Variants in RBFOX1 observed in about 807,000 individuals in gnomAD.
The protein encoded by RBFOX1 is RNA binding protein fox-1 homolog 1.
A neutral mutation model predicts 57.7 loss-of-function variants in RBFOX1; 8 were observed. That is an observed-to-expected ratio of 0.14 (90% CI 0.08 to 0.25). The LOEUF (loss-of-function observed/expected upper bound fraction) is 0.25, where lower values mean the gene tolerates loss of function less well. Among genes scored for constraint, RBFOX1 ranks in the 10% least tolerant of loss-of-function variants. RBFOX1 has a pLI of 1.00. For synonymous variants in RBFOX1, 326 were observed against 222.4 expected (o/e 1.47, Z -4.15); for missense variants, 611 against 548.5 (o/e 1.11, Z -1.14).
At chr16:5,914,210 G>C (rs2058661169) in intron 4 of RBFOX1, among the ~76,000 whole-genome samples, 1 of 152,222 alleles carries the variant, frequency 6.6e-6, no homozygotes. Context: ...ACAGTGCCTA[G>C]TAGATGTCTT....
chr16:5,740,763 C>T (rs1444028524), intron 3 of RBFOX1, among the ~76,000 whole-genome samples: 2 of 152,180 alleles, frequency 1.3e-5, no homozygotes, highest in African/African-American at 4.8e-5. Context: ...CACATGCTTT[C>T]AAGGTGAAGT....
chr16:7,664,936 T>C lies in RBFOX1; in HGVS notation c.898T>C (p.Tyr300His). The change falls in exon 13 of 16, where the codon TAC (tyrosine) becomes CAC (histidine). Residue 300 changes from tyrosine to histidine, a missense_variant. By Grantham distance (83) the Tyr-to-His change is moderately conservative (BLOSUM62 2). This residue lies in a region of RBFOX1 where 267 missense variants were observed against 229.1 expected (regional missense o/e 1.17). Transcript: ENST00000550418. ...GTGTGTGCACCCTTGCAGTGTTGTT[T>C]ACCAGGATGGATTTTATGGTGCAGA... ...PPIPAYGGVV[Y>H]QDGFYGADIY... The C allele has an allele frequency of 3.1e-6, 5 of 1,613,972 alleles. No individual in the cohort carries two copies. Among genetic ancestry groups the C allele is most frequent in the Non-Finnish European group, 4.2e-6 (5 of 1,179,848 alleles).
intron 4 of RBFOX1, among the ~76,000 whole-genome samples, chr16:7,132,433 GACACACACACACACACACAC>G (rs36226659): frequency 0.25 from 36,729 of 144,856 alleles, 5,282 homozygotes; most frequent in East Asian, 0.48. Flanking sequence ...GTGATACACA[GACACACACACACACACACAC>G]ACACACACAC....
chr16:7,419,520 C>T (rs1164482792), intron 4 of RBFOX1, among the ~76,000 whole-genome samples: 1 of 152,218 alleles, frequency 6.6e-6, no homozygotes, highest in African/African-American at 2.4e-5. Context: ...TTTTCCTGCG[C>T]ATTTGAATAA....
chr16:6,523,877 G>T lies in RBFOX1; in HGVS notation c.-63-130726G>T, dbSNP rs148530705. 1.8e-3 allele frequency among the ~76,000 whole-genome samples: 279 copies of T among 152,168 alleles called. 1 individual carries two copies. Among genetic ancestry groups the T allele is most frequent in the African/African-American group, 6.2e-3 (259 of 41,508 alleles). On this transcript the variant is annotated intron_variant, in intron 2 of 15. Coordinates refer to ENST00000550418, the MANE Select transcript of RBFOX1 (RefSeq NM_018723.4). The stretch of plus-strand genomic sequence containing the variant: ...ACAGTTTTTTATATTTAATTTTTAT[G>T]AGTACATAATAGGTATAGATACTTA...
intron 4 of RBFOX1, among the ~76,000 whole-genome samples, chr16:7,487,575 A>G (rs972468272): frequency 1.3e-5 from 2 of 152,180 alleles, no homozygotes; most frequent in African/African-American, 2.4e-5. Context: ...CTCATCTGCC[A>G]TCTCTCTTCC....
At chr16:5,699,831 A>ATTAT (rs1555504129) in intron 3 of RBFOX1, among the ~76,000 whole-genome samples, 3 of 152,010 alleles carry the variant, frequency 2.0e-5, no homozygotes, top group South Asian at 2.1e-4. Context: ...TTCTGGTTTT[A>ATTAT]TTATTTATTT....
At chr16:6,053,992 G>A (rs1476371637) in intron 1 of RBFOX1, among the ~76,000 whole-genome samples, 1 of 152,052 alleles carries the variant, frequency 6.6e-6, no homozygotes, top group Non-Finnish European at 1.5e-5. Flanking sequence ...GGAGGTTGAG[G>A]TTACAGTGTT....
intron 1 of RBFOX1, among the ~76,000 whole-genome samples, chr16:6,142,803 T>G (rs2096728952): frequency 1.3e-5 from 2 of 152,180 alleles, no homozygotes; most frequent in Admixed American, 6.6e-5. Context: ...AGCTGAGATC[T>G]CCTCCTGTCC....
At chr16:5,770,799 AG>A (rs1263680772) in intron 3 of RBFOX1, among the ~76,000 whole-genome samples, 1 of 152,248 alleles carries the variant, frequency 6.6e-6, no homozygotes, top group Non-Finnish European at 1.5e-5. Context: ...AGAAGAAAAT[AG>A]CACACAGCTT....
At chr16:6,666,224 T>C (rs923871488) in intron 3 of RBFOX1, among the ~76,000 whole-genome samples, 4 of 152,090 alleles carry the variant, frequency 2.6e-5, no homozygotes, top group African/African-American at 7.2e-5. Context: ...AACAGACTAA[T>C]ACAGGAGGAG....
intron 1 of RBFOX1, among the ~76,000 whole-genome samples, chr16:5,377,996 C>T (rs978527962): frequency 6.6e-6 from 1 of 151,614 alleles, no homozygotes; most frequent in East Asian, 1.9e-4. Context: ...CCTTTTAAAG[C>T]ACAATGACCT....
intron 4 of RBFOX1, among the ~76,000 whole-genome samples, chr16:7,124,259 T>G (rs1019711877): frequency 6.6e-6 from 1 of 152,004 alleles, no homozygotes. Flanking sequence ...AAATATTTTT[T>G]AAAAAATTGC....
At chr16:6,314,545 G>C (rs1334191535) in intron 1 of RBFOX1, among the ~76,000 whole-genome samples, 2 of 152,130 alleles carry the variant, frequency 1.3e-5, no homozygotes, top group Non-Finnish European at 2.9e-5. Context: ...TTTAGGATGA[G>C]AGAAGGTTGT....
chr16:7,050,930 T>A (rs2049852665), intron 3 of RBFOX1, among the ~76,000 whole-genome samples: 1 of 152,158 alleles, frequency 6.6e-6, no homozygotes, highest in African/African-American at 2.4e-5. Context: ...ATTTATAGAT[T>A]TGGGGCTCTG....
intron 3 of RBFOX1, among the ~76,000 whole-genome samples, chr16:6,948,838 G>A (rs551550597): frequency 6.6e-6 from 1 of 152,240 alleles, no homozygotes; most frequent in East Asian, 1.9e-4. Flanking sequence ...TTTGATTTGT[G>A]TCATCAGTCT....
intron 2 of RBFOX1, among the ~76,000 whole-genome samples, chr16:6,416,415 G>C (rs1451860305): frequency 6.6e-6 from 1 of 152,132 alleles, no homozygotes; most frequent in East Asian, 1.9e-4. Flanking sequence ...TGATGAGCAG[G>C]ACAAATTTTT....
chr16:5,621,552 T>A (rs886222114), intron 3 of RBFOX1, among the ~76,000 whole-genome samples: 1 of 152,120 alleles, frequency 6.6e-6, no homozygotes, highest in Non-Finnish European at 1.5e-5. Context: ...AGGGTTTACA[T>A]AGAAGGTGGG....
intron 1 of RBFOX1, among the ~76,000 whole-genome samples, chr16:6,206,353 T>C (rs918895565): frequency 1.3e-5 from 2 of 152,214 alleles, no homozygotes; most frequent in East Asian, 3.9e-4. Context: ...TGAAGCATCA[T>C]GTCCTTAGAG....
Sources: gnomAD v4.1 joint callset for allele counts (sites outside exome capture counted in the v4.1 genomes callset) on GRCh38, gnomAD v4.1.1 for gene constraint, gnomAD v4.1.1 regional missense constraint, MANE v1.5 for transcripts, NCBI Gene and HGNC (gene_info 2026-07-23, HGNC 2026-07-21) for gene names.